Variants in LRRC7 observed in about 807,000 individuals in gnomAD.
The protein encoded by LRRC7 is leucine rich repeat containing 7, also known as leucine-rich repeat-containing protein 7.
A neutral mutation model predicts 175.7 loss-of-function variants in LRRC7; 23 were observed. The observed-to-expected ratio is 0.13, with a 90% CI of 0.09 to 0.19. LRRC7 has a LOEUF of 0.19. LRRC7 is among the 10% of genes least tolerant of loss of function. The pLI is 1.00. For missense variants in LRRC7, 1,354 were observed against 1,904.7 expected (o/e 0.71, Z 5.38); for synonymous variants, 685 against 680.9 (o/e 1.01, Z -0.09).
In LRRC7 at chr1:70,012,876, T is replaced by G. The variant is rs115603944; in HGVS notation, c.1135-98T>G. ...CAATGCACATGTTAAAAGTTAAAAA[T>G]AAGAAAATCTACTAAATTGTTTTAA... On this transcript the variant is annotated intron_variant, in intron 12 of 26. Coordinates refer to ENST00000651989, the MANE Select transcript of LRRC7 (RefSeq NM_001370785.2). The G allele has an allele frequency of 2.5e-3, 1,353 of 543,712 alleles. 16 individuals are homozygous for G. The highest frequency in any genetic ancestry group is 0.022 in the African/African-American group (1,071 of 48,986). The allele number at this position is 543,712 out of a possible 1,614,324, so 33.7% of individuals were successfully genotyped here.
At chr1:69,996,900 A>G (rs993603097) in intron 11 of LRRC7, among the ~76,000 whole-genome samples, 1 of 152,086 alleles carries the variant, frequency 6.6e-6, no homozygotes, top group Admixed American at 6.6e-5. Context: ...TTGGTTCCAT[A>G]TGAACTTTCA....
chr1:70,088,917 C>A (rs1663811885), intron 24 of LRRC7, among the ~76,000 whole-genome samples: 1 of 152,158 alleles, frequency 6.6e-6, no homozygotes, highest in Non-Finnish European at 1.5e-5. Context: ...TACTATAAAA[C>A]AAAAGTCATG....
intron 1 of LRRC7, among the ~76,000 whole-genome samples, chr1:69,644,721 A>T (rs889049583): frequency 2.0e-5 from 3 of 152,016 alleles, no homozygotes; most frequent in African/African-American, 7.2e-5. Context: ...TTTGCTAAGG[A>T]ATAGACACAA....
At chr1:69,710,561 C>T (rs1161021951) in intron 2 of LRRC7, among the ~76,000 whole-genome samples, 2 of 152,042 alleles carry the variant, frequency 1.3e-5, no homozygotes, top group Admixed American at 1.3e-4. Flanking sequence ...TCTTACTGGG[C>T]GTAAGGCAAA....
At chr1:69,812,024 C>G (rs1302805345) in intron 4 of LRRC7, among the ~76,000 whole-genome samples, 2 of 152,174 alleles carry the variant, frequency 1.3e-5, no homozygotes, top group East Asian at 3.9e-4. Flanking sequence ...GAGCATAACA[C>G]TCAAAAAAGC....
At chr1:69,704,338 C>T (rs1431687286) in intron 2 of LRRC7, among the ~76,000 whole-genome samples, 1 of 151,906 alleles carries the variant, frequency 6.6e-6, no homozygotes, top group Non-Finnish European at 1.5e-5. Context: ...CAGTTACCGA[C>T]CCCATGATAT....
intron 4 of LRRC7, among the ~76,000 whole-genome samples, chr1:69,807,363 G>A (rs906505095): frequency 2.6e-5 from 4 of 151,870 alleles, no homozygotes; most frequent in African/African-American, 4.8e-5. Flanking sequence ...TATTTTGCTC[G>A]TTAGTTGATG....
At chr1:69,595,780 A>G (rs1025919069) in intron 1 of LRRC7, among the ~76,000 whole-genome samples, 23 of 152,252 alleles carry the variant, frequency 1.5e-4, no homozygotes, top group Middle Eastern at 6.8e-3. Flanking sequence ...ATTACGGTGT[A>G]TTACAAAGAC....
At chr1:69,921,131 G>A (rs567983912) in intron 7 of LRRC7, among the ~76,000 whole-genome samples, 1 of 152,070 alleles carries the variant, frequency 6.6e-6, no homozygotes, top group African/African-American at 2.4e-5. Context: ...TTAAGATCTG[G>A]GGGGAGAAAG....
chr1:70,015,727 A>T (rs1313496999), intron 13 of LRRC7, among the ~76,000 whole-genome samples: 4 of 152,174 alleles, frequency 2.6e-5, no homozygotes, highest in African/African-American at 9.7e-5. Flanking sequence ...GGCTAATATC[A>T]AGTTATACAT....
intron 22 of LRRC7, among the ~76,000 whole-genome samples, chr1:70,050,698 T>C (rs1312330444): frequency 1.3e-5 from 2 of 152,076 alleles, no homozygotes; most frequent in African/African-American, 2.4e-5. Flanking sequence ...TAGCCTTTAA[T>C]AGAATTTTAA....
intron 7 of LRRC7, among the ~76,000 whole-genome samples, chr1:69,862,518 T>C (rs1000119978): frequency 2.6e-5 from 4 of 152,184 alleles, no homozygotes; most frequent in African/African-American, 9.7e-5. Context: ...CTAACAGTCA[T>C]GTTCCCTTCG....
rs1448871466 is a variant in LRRC7 at position 70,142,711 on chromosome 1, C to G, written c.*20824C>G. 6.6e-6 allele frequency: 1 copy of G among 151,904 alleles called. No individual in the cohort carries two copies. The highest frequency in any genetic ancestry group is 2.4e-5 in the African/African-American group (1 of 41,378). 9.4% of individuals were successfully genotyped at this position (151,904 alleles called of 1,614,324 possible). On this transcript the variant is annotated 3_prime_UTR_variant, in exon 27 of 27. Transcript: ENST00000651989. The stretch of plus-strand genomic sequence containing the variant: ...AAGTAATAATACAGTTTTATTTTTT[C>G]CACTTTATAACTGCCCAAGGGCTCC...
chr1:69,788,467 T>C (rs929155866), intron 3 of LRRC7, among the ~76,000 whole-genome samples: 2 of 152,184 alleles, frequency 1.3e-5, no homozygotes, highest in African/African-American at 2.4e-5. Context: ...TGAAGACAAA[T>C]CATAGCACAT....
intron 11 of LRRC7, among the ~76,000 whole-genome samples, chr1:70,008,454 T>C (rs1656190022): frequency 6.6e-6 from 1 of 152,222 alleles, no homozygotes; most frequent in African/African-American, 2.4e-5. Flanking sequence ...TTACTTATTG[T>C]CACTTTCTGC....
intron 3 of LRRC7, among the ~76,000 whole-genome samples, chr1:69,782,436 G>A (rs1673871459): frequency 2.0e-5 from 3 of 152,192 alleles, no homozygotes; most frequent in Admixed American, 6.5e-5. Flanking sequence ...CTGTGATCTG[G>A]AACTTGAACA....
intron 16 of LRRC7, 60 bp from the exon 17 acceptor site, chr1:70,023,064 AGT>A: frequency 7.3e-7 from 1 of 1,365,148 alleles, no homozygotes; most frequent in East Asian, 2.6e-5. Context: ...AAAATGATAA[AGT>A]GAAAGTATTG....
intron 23 of LRRC7, among the ~76,000 whole-genome samples, chr1:70,074,482 T>C (rs1662629452): frequency 6.6e-6 from 1 of 152,188 alleles, no homozygotes; most frequent in African/African-American, 2.4e-5. Context: ...TTGCCCTTTA[T>C]GAGATTATCT....
At chr1:69,649,537 A>T (rs1324097286) in intron 1 of LRRC7, among the ~76,000 whole-genome samples, 5 of 152,184 alleles carry the variant, frequency 3.3e-5, no homozygotes, top group Non-Finnish European at 7.3e-5. Context: ...ATATTCTGGG[A>T]TTGCTTTAGA....
Sources: gnomAD v4.1 joint callset for allele counts (sites outside exome capture counted in the v4.1 genomes callset) on GRCh38, gnomAD v4.1.1 for gene constraint, MANE v1.5 for transcripts, NCBI Gene and HGNC (gene_info 2026-07-23, HGNC 2026-07-21) for gene names.